Variants in RABGAP1 observed in about 807,000 individuals in gnomAD.
The protein encoded by RABGAP1 is rab GTPase-activating protein 1.
Under a neutral mutation model 137.6 loss-of-function variants are expected in RABGAP1, and 23 were observed. The ratio of observed to expected loss-of-function variants is 0.17; its 90% confidence interval spans 0.12 to 0.24. The LOEUF (loss-of-function observed/expected upper bound fraction) is 0.24. Ranked by LOEUF, RABGAP1 falls within the 10% of genes least tolerant of loss-of-function variation. The probability of loss-of-function intolerance (pLI) is 1.00; values close to 1 mark genes in which losing one functional copy is unlikely to be tolerated. For missense variants in RABGAP1, 906 were observed against 1,275.8 expected (o/e 0.71, Z 4.42); for synonymous variants, 451 against 450.7 (o/e 1.00, Z -0.01).
Position 123,076,276 on chromosome 9 carries a change from G to C in RABGAP1, c.2285G>C (p.Gly762Ala). ...GISVIFNVAL[G>A]LLKTSKDDLL... Reference sequence around the variant, plus strand: ...AGTGTTATTTTTAATGTCGCCCTTGGATTATTAAAGGTACTCATTTATTTA... The same window carrying C: ...AGTGTTATTTTTAATGTCGCCCTTGCATTATTAAAGGTACTCATTTATTTA... The change falls in exon 18 of 26, where the codon GGA becomes GCA. Residue 762 changes from glycine to alanine, a missense_variant. Physicochemically the swap from Gly to Ala is moderately conservative, Grantham distance 60 (BLOSUM62 0). Transcript: ENST00000373647. 6.2e-7 allele frequency: 1 copy of C among 1,609,276 alleles called. No homozygotes were observed. The highest frequency in any genetic ancestry group is 8.5e-7 in the Non-Finnish European group (1 of 1,177,170).
intron 2 of RABGAP1, among the ~76,000 whole-genome samples, chr9:122,981,625 T>C (rs1191599474): frequency 6.6e-6 from 1 of 152,224 alleles, no homozygotes; most frequent in African/African-American, 2.4e-5. Context: ...CAGTCTGTCT[T>C]AGCAAGCTCT....
intron 13 of RABGAP1, among the ~76,000 whole-genome samples, chr9:123,045,997 C>T (rs2033190499): frequency 6.6e-6 from 1 of 152,224 alleles, no homozygotes; most frequent in Middle Eastern, 3.4e-3. Context: ...TGGCACATAC[C>T]ATCAGAGGAA....
intron 13 of RABGAP1, among the ~76,000 whole-genome samples, chr9:123,047,929 T>G (rs995675802): frequency 1.4e-5 from 1 of 71,146 alleles, no homozygotes; most frequent in Non-Finnish European, 2.3e-5. Flanking sequence ...GTTTTTTTTT[T>G]TTTTTTTTTT....
chr9:122,944,220 T>C lies in RABGAP1; in HGVS notation c.-50+3127T>C, dbSNP rs180785644. On this transcript the variant is annotated intron_variant, in intron 1 of 25. Transcript: ENST00000373647. ...TTCTCAAGCATGTGGAATAAATGAA[T>C]ACAACACACTTTTTTTTTTTTTTAA... 2.9e-3 allele frequency among the ~76,000 whole-genome samples: 446 copies of C among 152,216 alleles called. 2 individuals carry two copies. The highest frequency in any genetic ancestry group is 0.01 in the African/African-American group (422 of 41,534).
intron 2 of RABGAP1, among the ~76,000 whole-genome samples, chr9:122,967,486 T>C (rs1043462273): frequency 1.3e-5 from 2 of 151,992 alleles, no homozygotes; most frequent in African/African-American, 4.8e-5. Flanking sequence ...GGGAAAAGAG[T>C]CTCCTGTGCG....
At chr9:123,013,425 G>T (rs1294052984) in intron 11 of RABGAP1, among the ~76,000 whole-genome samples, 1 of 151,678 alleles carries the variant, frequency 6.6e-6, no homozygotes, top group Non-Finnish European at 1.5e-5. Context: ...TCCGCCTCCT[G>T]GGTTCAAGTG....
At chr9:123,057,164 C>T (rs1203997305) in intron 13 of RABGAP1, among the ~76,000 whole-genome samples, 10 of 151,898 alleles carry the variant, frequency 6.6e-5, no homozygotes, top group Non-Finnish European at 1.5e-4. Flanking sequence ...TGACCCCCAC[C>T]TCCCTCCCGG....
At chr9:122,932,320 A>C in the RABGAP1 span, among the ~76,000 whole-genome samples, 2 of 152,148 alleles carry the variant, frequency 1.3e-5, no homozygotes, top group African/African-American at 4.8e-5. Flanking sequence ...CTCTGGAGTT[A>C]AAGTGATCCA....
intron 18 of RABGAP1, 60 bp from the exon 19 acceptor site, chr9:123,076,574 A>G: frequency 6.6e-7 from 1 of 1,522,860 alleles, no homozygotes; most frequent in East Asian, 2.4e-5. Flanking sequence ...AATATAAAAA[A>G]CTTCTTGTGC....
At chr9:123,077,993 T>C (rs1249474154) in intron 19 of RABGAP1, among the ~76,000 whole-genome samples, 1 of 152,140 alleles carries the variant, frequency 6.6e-6, no homozygotes, top group African/African-American at 2.4e-5. Flanking sequence ...ACAAAGTAGC[T>C]CAACTAGTGT....
rs573868168 is a variant in RABGAP1 at position 123,029,390 on chromosome 9, C to T, written c.1794+8931C>T. The T allele has an allele frequency of 1.4e-4, 198 of 1,386,512 alleles. 3 individuals carry two copies. In the South Asian group the frequency reaches 2.0e-3, roughly 14 times the overall value. 85.9% of individuals were successfully genotyped at this position (1,386,512 alleles called of 1,614,324 possible). A position where few individuals can be genotyped will look rare whatever the true frequency, so the allele number is the denominator to read the frequency against. On this transcript the variant is annotated intron_variant, in intron 13 of 25. Transcript: ENST00000373647. ...GCTTGGACCTGTTCATGCATCTTCA[C>T]CAGCAGCTGGAGCATCTCTGCCCTT...
chr9:123,092,079 C>G (rs539654091), intron 21 of RABGAP1, among the ~76,000 whole-genome samples: 5 of 152,180 alleles, frequency 3.3e-5, no homozygotes, highest in Admixed American at 2.6e-4. Context: ...TGAATAGGAG[C>G]CTTTGTGTCC....
At chr9:122,961,291 A>G (rs946696850) in intron 2 of RABGAP1, among the ~76,000 whole-genome samples, 1 of 152,236 alleles carries the variant, frequency 6.6e-6, no homozygotes, top group Admixed American at 6.5e-5. Flanking sequence ...TGACTCATCA[A>G]CTTACAAGGG....
chr9:123,011,353 G>A (rs1024611832), intron 11 of RABGAP1, among the ~76,000 whole-genome samples: 1 of 152,178 alleles, frequency 6.6e-6, no homozygotes, highest in African/African-American at 2.4e-5. Context: ...AGTCATCAGT[G>A]GAGTTCCTTG....
Position 123,035,071 on chromosome 9 carries a change from G to T in RABGAP1, c.1794+14612G>T. 6.2e-7 allele frequency: 1 copy of T among 1,614,040 alleles called. No homozygotes were observed. Among genetic ancestry groups the T allele is most frequent in the Non-Finnish European group, 8.5e-7 (1 of 1,179,992 alleles). ...CTTCCTGCCTTCCTTTTTCCACTGGGGCAAACCTGGATATCATGGAGATGT... is the reference window on the plus strand; with the variant it reads ...CTTCCTGCCTTCCTTTTTCCACTGGTGCAAACCTGGATATCATGGAGATGT... On this transcript the variant is annotated intron_variant, in intron 13 of 25. Transcript: ENST00000373647.
At position 123,076,713 on chromosome 9, in the gene RABGAP1, G is replaced by A. The variant is rs1486072110; in HGVS notation, c.2375G>A (p.Arg792His). The change falls in exon 19 of 26, where the codon CGC becomes CAC. Residue 792 changes from arginine to histidine, a missense_variant. Arg to His is a conservative substitution (Grantham distance 29). Transcript: ENST00000373647. The part of the protein sequence containing the change: ...FFRVQLPKRY[R>H]SEENAKKLME... ...AGGGTTCAGCTTCCTAAGAGATACC[G>A]CTCAGAAGAAAATGCAAAAAAACTA... is the stretch of plus-strand genomic sequence containing the variant. 3.1e-6 allele frequency: 5 copies of A among 1,604,486 alleles called. No homozygotes were observed. Among genetic ancestry groups the A allele is most frequent in the Non-Finnish European group, 4.3e-6 (5 of 1,175,288 alleles).
chr9:123,063,957 A>G (rs13301951), intron 13 of RABGAP1, among the ~76,000 whole-genome samples: 1,669 of 152,260 alleles, frequency 0.011, 13 homozygotes, highest in Non-Finnish European at 0.018. Flanking sequence ...CTCTCTGTTC[A>G]GCATATTCCT....
intron 12 of RABGAP1, among the ~76,000 whole-genome samples, chr9:123,019,668 A>C (rs1305111752): frequency 6.9e-6 from 1 of 145,090 alleles, no homozygotes; most frequent in Non-Finnish European, 1.5e-5. Context: ...ATGTCCACTG[A>C]TTGGAATTTT....
chr9:123,065,106 G>C (rs1020475259), intron 13 of RABGAP1, among the ~76,000 whole-genome samples: 9 of 152,144 alleles, frequency 5.9e-5, no homozygotes, highest in Non-Finnish European at 1.2e-4. Context: ...CAGTAAGGAT[G>C]GAGTATAATA....
Sources: gnomAD v4.1 joint callset for allele counts (sites outside exome capture counted in the v4.1 genomes callset) on GRCh38, gnomAD v4.1.1 for gene constraint, MANE v1.5 for transcripts, NCBI Gene and HGNC (gene_info 2026-07-23, HGNC 2026-07-21) for gene names.